Variants in TEC observed in about 807,000 individuals in gnomAD.
The protein encoded by TEC is tec protein tyrosine kinase.
Under a neutral mutation model 93.0 loss-of-function variants are expected in TEC, and 72 were observed. The observed-to-expected ratio is 0.77, with a 90% CI of 0.64 to 0.94. The LOEUF is 0.94. Among genes scored for constraint, TEC ranks in the 40% least tolerant of loss-of-function variants. The pLI, the probability that TEC is intolerant of heterozygous loss-of-function variation, is 0.00. For synonymous variants in TEC, 249 were observed against 247.7 expected, an observed-to-expected ratio of 1.01 and a Z score of -0.05; for missense variants, 630 against 757.9, an observed-to-expected ratio of 0.83 and a Z score of 1.98.
chr4:48,256,429 T>TAA (rs1216814377), intron 1 of TEC, among the ~76,000 whole-genome samples: 3 of 148,166 alleles, frequency 2.0e-5, no homozygotes, highest in Admixed American at 1.3e-4. Context: ...ACAAAAAATT[T>TAA]AAAAAAAAAA....
chr4:48,208,038 A>G (rs1722774529), intron 2 of TEC, among the ~76,000 whole-genome samples: 1 of 152,192 alleles, frequency 6.6e-6, no homozygotes, highest in Non-Finnish European at 1.5e-5. Flanking sequence ...GAACAGAGTG[A>G]TACACCCATC....
intron 1 of TEC, among the ~76,000 whole-genome samples, chr4:48,229,484 T>C (rs1480882451): frequency 4.6e-5 from 7 of 152,242 alleles, no homozygotes; most frequent in Admixed American, 1.3e-4. Context: ...TTGCCTCCAC[T>C]ATGCCTTTAA....
chr4:48,157,350 C>T (rs1339253691), intron 8 of TEC, among the ~76,000 whole-genome samples: 4 of 152,164 alleles, frequency 2.6e-5, no homozygotes, highest in Admixed American at 2.6e-4. Context: ...AACATAAGCA[C>T]AGGCCTCCTG....
intron 2 of TEC, among the ~76,000 whole-genome samples, chr4:48,211,112 A>G (rs1384434157): frequency 6.6e-6 from 1 of 152,222 alleles, no homozygotes; most frequent in Non-Finnish European, 1.5e-5. Flanking sequence ...GCAATTAATA[A>G]GTAACAGATT....
At chr4:48,259,715 CAA>C (rs5858111) in intron 1 of TEC, among the ~76,000 whole-genome samples, 202 of 117,810 alleles carry the variant, frequency 1.7e-3, no homozygotes, top group Non-Finnish European at 1.9e-3. Context: ...GACTTTGTCT[CAA>C]AAAAAAAAAA....
chr4:48,259,366 TAAAAG>T (rs1483282960), intron 1 of TEC, among the ~76,000 whole-genome samples: 1 of 151,738 alleles, frequency 6.6e-6, no homozygotes, highest in African/African-American at 2.4e-5. Flanking sequence ...AAACCTAAAA[TAAAAG>T]AAAAAAGAAA....
Position 48,180,997 on chromosome 4 carries a change from A to G in TEC, c.139-4811T>C, listed in dbSNP as rs182798509. 3.6e-4 allele frequency among the ~76,000 whole-genome samples: 55 copies of G among 152,264 alleles called. No individual in the cohort carries two copies. In the East Asian group the frequency reaches 9.4e-3, roughly 26 times the overall value. On this transcript the variant is annotated intron_variant, in intron 2 of 17. Coordinates refer to ENST00000381501, the MANE Select transcript of TEC (RefSeq NM_003215.3). ...TAATTTAGAAGGCAGAGTTCACAAA[A>G]CTTTGTGACCACTTAGATATGGGGA... is the stretch of plus-strand genomic sequence containing the variant.
chr4:48,218,299 G>A (rs1222453983), intron 2 of TEC, among the ~76,000 whole-genome samples: 1 of 152,144 alleles, frequency 6.6e-6, no homozygotes, highest in Non-Finnish European at 1.5e-5. Flanking sequence ...ATGATTACAT[G>A]GAGTATTTAG....
At chr4:48,158,228 A>G (rs1258130994) in intron 8 of TEC, among the ~76,000 whole-genome samples, 1 of 152,224 alleles carries the variant, frequency 6.6e-6, no homozygotes, top group African/African-American at 2.4e-5. Flanking sequence ...AAAAGACAAT[A>G]CAAGATCTTT....
chr4:48,221,104 T>C (rs1246825786), intron 2 of TEC, among the ~76,000 whole-genome samples: 2 of 152,180 alleles, frequency 1.3e-5, no homozygotes, highest in African/African-American at 4.8e-5. Context: ...TTTTAAAGGA[T>C]ACAAATGAAC....
intron 2 of TEC, among the ~76,000 whole-genome samples, chr4:48,184,937 A>G (rs1486550470): frequency 2.6e-5 from 4 of 152,188 alleles, no homozygotes; most frequent in African/African-American, 9.7e-5. Context: ...GACAATTTGT[A>G]TTTAGTTTGT....
chr4:48,211,216 C>T (rs1439426713), intron 2 of TEC, among the ~76,000 whole-genome samples: 1 of 152,166 alleles, frequency 6.6e-6, no homozygotes, highest in Non-Finnish European at 1.5e-5. Flanking sequence ...CAGAGATGGA[C>T]CTAGACCACA....
At chr4:48,193,255 G>A (rs1722156502) in intron 2 of TEC, among the ~76,000 whole-genome samples, 1 of 151,738 alleles carries the variant, frequency 6.6e-6, no homozygotes, top group African/African-American at 2.4e-5. Context: ...CTCCTGAAGA[G>A]CATAACCAGC....
intron 8 of TEC, among the ~76,000 whole-genome samples, chr4:48,159,862 A>G (rs1720555616): frequency 6.6e-6 from 1 of 152,128 alleles, no homozygotes; most frequent in Non-Finnish European, 1.5e-5. Context: ...TTCAACAACC[A>G]GTTCTTGTGG....
intron 2 of TEC, among the ~76,000 whole-genome samples, chr4:48,195,372 A>G (rs7664091): frequency 0.56 from 84,730 of 152,056 alleles, 24,890 homozygotes; most frequent in African/African-American, 0.74. Flanking sequence ...TGAGAATAGA[A>G]AAAGAGCCCA....
intron 1 of TEC, among the ~76,000 whole-genome samples, chr4:48,236,504 G>A (rs1239946303): frequency 2.0e-5 from 3 of 152,068 alleles, no homozygotes; most frequent in Non-Finnish European, 2.9e-5. Flanking sequence ...GGATGGTCTC[G>A]ATCTCCTGAC....
chr4:48,206,353 T>C (rs984312241), intron 2 of TEC, among the ~76,000 whole-genome samples: 2 of 151,776 alleles, frequency 1.3e-5, no homozygotes, highest in African/African-American at 4.8e-5. Flanking sequence ...TTTTCCACAA[T>C]AAGAAAAAAG....
intron 1 of TEC, among the ~76,000 whole-genome samples, chr4:48,256,842 A>G (rs1356232070): frequency 6.6e-6 from 1 of 152,162 alleles, no homozygotes; most frequent in African/African-American, 2.4e-5. Flanking sequence ...GGATGGGGAT[A>G]GAGTGTCTAG....
At chr4:48,220,021 C>T (rs1273232051) in intron 2 of TEC, among the ~76,000 whole-genome samples, 2 of 149,734 alleles carry the variant, frequency 1.3e-5, no homozygotes, top group Non-Finnish European at 3.0e-5. Flanking sequence ...ATTCTTCTAC[C>T]TATTAGCAGT....
Sources: allele counts gnomAD v4.1 joint callset (sites outside exome capture counted in the v4.1 genomes callset), GRCh38; gene constraint gnomAD v4.1.1; transcripts MANE v1.5; gene names NCBI Gene and HGNC (gene_info 2026-07-23, HGNC 2026-07-21).